Variants in GPC5 observed in about 807,000 individuals in gnomAD.
GPC5 encodes glypican 5.
In GPC5, 47 loss-of-function variants were observed where a neutral mutation model predicts 53.9. The observed-to-expected ratio is 0.87, with a 90% CI of 0.69 to 1.11. GPC5 has a LOEUF of 1.11. GPC5 is among the 50% of genes most tolerant of loss of function. The probability of loss-of-function intolerance (pLI) is 0.00; values close to 1 mark genes in which losing one functional copy is unlikely to be tolerated. For synonymous variants in GPC5, 286 were observed against 263.3 expected, an observed-to-expected ratio of 1.09 and a Z score of -0.84; for missense variants, 748 against 713.1, an observed-to-expected ratio of 1.05 and a Z score of -0.56.
At chr13:91,446,894 A>C (rs915070366) in intron 1 of GPC5, among the ~76,000 whole-genome samples, 2 of 152,244 alleles carry the variant, frequency 1.3e-5, no homozygotes, top group Non-Finnish European at 1.5e-5. Context: ...GCATGCGCGC[A>C]TGAGAACAGG....
intron 1 of GPC5, among the ~76,000 whole-genome samples, chr13:91,400,654 C>T (rs1050888068): frequency 6.6e-6 from 1 of 152,098 alleles, no homozygotes; most frequent in Non-Finnish European, 1.5e-5. Context: ...GATTTTTAGT[C>T]CCCAAATATG....
At chr13:92,671,470 A>C (rs1886749259) in intron 7 of GPC5, among the ~76,000 whole-genome samples, 1 of 152,216 alleles carries the variant, frequency 6.6e-6, no homozygotes, top group Non-Finnish European at 1.5e-5. Flanking sequence ...GCTTTTCTGC[A>C]TTTGTGATCC....
chr13:92,085,352 T>C (rs2041327440), intron 6 of GPC5, among the ~76,000 whole-genome samples: 1 of 152,188 alleles, frequency 6.6e-6, no homozygotes, highest in Non-Finnish European at 1.5e-5. Context: ...GTAATATGGA[T>C]ACTGTGAATG....
chr13:92,355,786 C>T (rs1331904971), intron 7 of GPC5, among the ~76,000 whole-genome samples: 1 of 152,008 alleles, frequency 6.6e-6, no homozygotes, highest in Non-Finnish European at 1.5e-5. Context: ...TTTCAAGCAC[C>T]CGCTCACTAC....
Position 92,037,684 on chromosome 13 carries a change from C to T in GPC5, c.1402-107146C>T, listed in dbSNP as rs549608885. On this transcript the variant is annotated intron_variant, in intron 6 of 7. Coordinates refer to ENST00000377067, the MANE Select transcript of GPC5 (RefSeq NM_004466.6). ...TAAATATGAATTCAGTAAATGACTA[C>T]ATAAATCCCTGAAACCTATAAACCA... 4.6e-5 allele frequency among the ~76,000 whole-genome samples: 7 copies of T among 152,282 alleles called. No individual in the cohort carries two copies. In the East Asian group the frequency reaches 1.4e-3, roughly 29 times the overall value.
At chr13:92,461,306 G>C (rs1878469327) in intron 7 of GPC5, among the ~76,000 whole-genome samples, 1 of 152,144 alleles carries the variant, frequency 6.6e-6, no homozygotes, top group Non-Finnish European at 1.5e-5. Context: ...CTTTAGGCAT[G>C]AGATTATAAT....
chr13:91,572,192 C>CACATGTATATATACGTGTGTATAT (rs1594274140), intron 2 of GPC5, among the ~76,000 whole-genome samples: 1 of 110,316 alleles, frequency 9.1e-6, no homozygotes, highest in Admixed American at 8.3e-5. Context: ...TGTGTATACA[C>CACATGTATATATACGTGTGTATAT]ACACATATGT....
At chr13:91,942,649 T>G (rs1038816389) in intron 6 of GPC5, among the ~76,000 whole-genome samples, 1 of 121,974 alleles carries the variant, frequency 8.2e-6, no homozygotes, top group South Asian at 3.0e-4. Flanking sequence ...AGTTGAAAAC[T>G]CTTGTGAAAA....
intron 7 of GPC5, among the ~76,000 whole-genome samples, chr13:92,638,925 A>T (rs973960870): frequency 5.9e-5 from 9 of 152,248 alleles, no homozygotes; most frequent in African/African-American, 2.2e-4. Flanking sequence ...AGATACAAAT[A>T]CAGATTTTGA....
At chr13:92,294,947 G>A (rs2043024341) in intron 7 of GPC5, among the ~76,000 whole-genome samples, 1 of 149,990 alleles carries the variant, frequency 6.7e-6, no homozygotes, top group African/African-American at 2.5e-5. Context: ...TCCTGCCTCA[G>A]CCTCCCGAGT....
chr13:92,064,652 G>A (rs2041151730), intron 6 of GPC5, among the ~76,000 whole-genome samples: 1 of 151,562 alleles, frequency 6.6e-6, no homozygotes, highest in Admixed American at 6.6e-5. Context: ...AGCTACTCAG[G>A]AGGCTGAGGC....
At chr13:92,131,909 A>G (rs2041747081) in intron 6 of GPC5, among the ~76,000 whole-genome samples, 1 of 130,492 alleles carries the variant, frequency 7.7e-6, no homozygotes, top group African/African-American at 2.5e-5. Context: ...ATGACCCACC[A>G]TTATACACTT....
chr13:91,451,679 A>G (rs1881189393), intron 2 of GPC5, among the ~76,000 whole-genome samples: 1 of 151,574 alleles, frequency 6.6e-6, no homozygotes, highest in Non-Finnish European at 1.5e-5. Flanking sequence ...GTGCGGTGGC[A>G]TGATCTTTGC....
chr13:91,756,345 C>T lies in GPC5; in HGVS notation c.1205C>T (p.Ala402Val). 3.8e-6 allele frequency: 6 copies of T among 1,595,034 alleles called. No individual in the cohort carries two copies. Among genetic ancestry groups the T allele is most frequent in the Non-Finnish European group, 4.3e-6 (5 of 1,166,030 alleles). ...RLYRSFYGGL[A>V]DQLCANELAA... ...TACAGGTCATTCTATGGAGGTCTAGCTGATCAGCTTTGTGCTAATGAATTA... is the reference window on the plus strand; with the variant it reads ...TACAGGTCATTCTATGGAGGTCTAGTTGATCAGCTTTGTGCTAATGAATTA... Residue 402 changes from alanine (A) to valine (V), a missense_variant, in exon 5 of 8, where the codon GCT (alanine) becomes GTT (valine). By Grantham distance (64) the Ala-to-Val change is moderately conservative. Coordinates refer to ENST00000377067, the MANE Select transcript of GPC5 (RefSeq NM_004466.6).
rs569204657 is a variant in GPC5, at chr13:91,927,845, G to T, written c.1401+19788G>T. ...AATTTTATCACTGGGATAAGGAGAT[G>T]AAAATGGAGTCATTGGGAAAATGGA... On this transcript the variant is annotated intron_variant, in intron 6 of 7. Transcript: ENST00000377067. 1.4e-4 allele frequency among the ~76,000 whole-genome samples: 21 copies of T among 152,274 alleles called. 1 individual carries two copies. The South Asian group carries it at 4.3e-3, about 32-fold the overall frequency.
In GPC5 at chr13:92,011,593, CAGG is replaced by C. The variant is rs138581409; in HGVS notation, c.1401+103539_1401+103541del. ...GATGATGCTGCCAGTGTGAGAGCAG[CAGG>C]AGATGATATAATAATGTGGCATCCT... On this transcript the variant is annotated intron_variant, in intron 6 of 7. Transcript: ENST00000377067. Among the ~76,000 whole-genome samples the C allele has an allele frequency of 6.1e-3, 936 of 152,202 alleles. 6 individuals carry two copies. The highest frequency in any genetic ancestry group is 0.01 in the Non-Finnish European group (709 of 67,990).
intron 7 of GPC5, among the ~76,000 whole-genome samples, chr13:92,531,469 G>A (rs1474130672): frequency 6.6e-6 from 1 of 151,474 alleles, no homozygotes; most frequent in African/African-American, 2.4e-5. Context: ...ACATATTTCT[G>A]TATATATATT....
At chr13:92,321,026 A>G (rs908553311) in intron 7 of GPC5, among the ~76,000 whole-genome samples, 1 of 149,270 alleles carries the variant, frequency 6.7e-6, no homozygotes, top group African/African-American at 2.5e-5. Flanking sequence ...TTTTTCTTTC[A>G]TACAATGTAG....
intron 6 of GPC5, among the ~76,000 whole-genome samples, chr13:92,108,105 C>A (rs553296567): frequency 6.6e-6 from 1 of 152,132 alleles, no homozygotes; most frequent in Non-Finnish European, 1.5e-5. Context: ...ATTAGTCATC[C>A]TTTCCTTTGT....
Sources: allele counts gnomAD v4.1 joint callset (sites outside exome capture counted in the v4.1 genomes callset), GRCh38; gene constraint gnomAD v4.1.1; transcripts MANE v1.5; gene names NCBI Gene and HGNC (gene_info 2026-07-23, HGNC 2026-07-21).